Variants in CRTC3 observed in about 807,000 individuals in gnomAD.
CRTC3 encodes CREB regulated transcription coactivator 3, also known as CREB-regulated transcription coactivator 3.
CRTC3 carries 26 observed loss-of-function variants against 74.5 expected under a neutral mutation model. The ratio of observed to expected loss-of-function variants is 0.35; its 90% CI spans 0.26 to 0.48. The LOEUF is 0.48. Among genes scored for constraint, CRTC3 ranks in the 20% least tolerant of loss-of-function variants. The pLI, the probability that CRTC3 is intolerant of heterozygous loss-of-function variation, is 0.99. For missense variants in CRTC3, 760 were observed against 787.3 expected, an observed-to-expected ratio of 0.97 and a Z score of 0.41; for synonymous variants, 377 against 325.8, an observed-to-expected ratio of 1.16 and a Z score of -1.69.
intron 1 of CRTC3, chr15:90,539,760 T>C (rs1037202390): frequency 5.6e-6 from 2 of 355,536 alleles, no homozygotes; most frequent in Admixed American, 9.9e-5. Context: ...TGTTAAAGAT[T>C]ATGCCAGTGT....
chr15:90,617,176 C>G (rs1968515593), intron 7 of CRTC3, among the ~76,000 whole-genome samples: 2 of 152,212 alleles, frequency 1.3e-5, no homozygotes, highest in Admixed American at 1.3e-4. Flanking sequence ...AAGGGCTCCC[C>G]CCAGTGCCCA....
At chr15:90,536,726 A>G (rs1966726139) in intron 1 of CRTC3, among the ~76,000 whole-genome samples, 2 of 152,228 alleles carry the variant, frequency 1.3e-5, no homozygotes, top group African/African-American at 4.8e-5. Context: ...CTAACTCAGT[A>G]AGTGAGGCAG....
chr15:90,612,865 G>T (rs1968397053), intron 6 of CRTC3, among the ~76,000 whole-genome samples: 1 of 151,998 alleles, frequency 6.6e-6, no homozygotes, highest in African/African-American at 2.4e-5. Flanking sequence ...AAGTAAGAAT[G>T]GGCCAAGGAC....
intron 2 of CRTC3, among the ~76,000 whole-genome samples, chr15:90,591,133 T>TA (rs1555449613): frequency 3.1e-4 from 46 of 150,818 alleles, no homozygotes; most frequent in African/African-American, 8.8e-4. Context: ...TTTTTTTTTT[T>TA]AATTTTTTTT....
chr15:90,566,575 A>C (rs1967128077), intron 2 of CRTC3, among the ~76,000 whole-genome samples: 1 of 151,254 alleles, frequency 6.6e-6, no homozygotes. Flanking sequence ...AGGAAGAAGA[A>C]GCCAACTCCA....
chr15:90,562,134 C>T (rs1006685609), intron 2 of CRTC3, among the ~76,000 whole-genome samples: 1 of 152,210 alleles, frequency 6.6e-6, no homozygotes, highest in African/African-American at 2.4e-5. Flanking sequence ...TCTCCTGTAA[C>T]CTCTTTGGAG....
chr15:90,603,414 G>C (rs1025795294), intron 4 of CRTC3, among the ~76,000 whole-genome samples: 1 of 152,012 alleles, frequency 6.6e-6, no homozygotes, highest in East Asian at 1.9e-4. Context: ...CTGCACTCCA[G>C]CCTGGGTGAC....
rs547962135 is a variant in CRTC3 at position 90,531,298 on chromosome 15, T to C, written c.132+1095T>C. Among the ~76,000 whole-genome samples, 3 of 152,256 alleles carry C rather than the reference T, an allele frequency of 2.0e-5. No homozygotes were observed. The East Asian group carries it at 5.8e-4, about 29-fold the overall frequency. On this transcript the variant is annotated intron_variant, in intron 1 of 14. Transcript: ENST00000268184. ...AAATTGGGAGACCTGGTAACACTAA[T>C]TCTGAATTCCTACATGACAGCTACC...
intron 1 of CRTC3, among the ~76,000 whole-genome samples, chr15:90,534,516 A>G (rs1041179202): frequency 5.3e-5 from 8 of 152,140 alleles, no homozygotes; most frequent in African/African-American, 1.7e-4. Context: ...TAAGTTCTGT[A>G]TTTTGCCCTC....
intron 10 of CRTC3, among the ~76,000 whole-genome samples, chr15:90,628,132 G>A (rs1480435530): frequency 6.6e-6 from 1 of 151,340 alleles, no homozygotes; most frequent in Non-Finnish European, 1.5e-5. Flanking sequence ...CAGGAGAATG[G>A]CGTGAACCCG....
Position 90,629,246 on chromosome 15 carries a change from C to T in CRTC3, c.980C>T (p.Ser327Phe). 1 of 1,612,346 alleles carries T rather than the reference C, an allele frequency of 6.2e-7. No individual in the cohort carries two copies. Among genetic ancestry groups the T allele is most frequent in the Non-Finnish European group, 8.5e-7 (1 of 1,178,520 alleles). The change falls in exon 11 of 15, where the codon TCT (serine) becomes TTT (phenylalanine). Residue 327 changes from serine (S) to phenylalanine (F), a missense_variant. Physicochemically the swap from Ser to Phe is radical, Grantham distance 155. Around this residue, in one of 2 missense-constraint regions of CRTC3, gnomAD observed 652 missense variants for 635.2 expected, o/e 1.03. Coordinates refer to ENST00000268184, the MANE Select transcript of CRTC3 (RefSeq NM_022769.5). Reference sequence around the variant, plus strand: ...TGTTGTCTTCCAGGTCTCCAGAGTTCTCGGAGTAACCCCTCCATCCAAGCC... The same window carrying T: ...TGTTGTCTTCCAGGTCTCCAGAGTTTTCGGAGTAACCCCTCCATCCAAGCC... ...GIRSSSGLQS[S>F]RSNPSIQATL... is the part of the protein sequence containing the mutation.
chr15:90,588,348 G>A (rs1967717218), intron 2 of CRTC3, among the ~76,000 whole-genome samples: 1 of 151,796 alleles, frequency 6.6e-6, no homozygotes, highest in African/African-American at 2.4e-5. Context: ...CTTTGCTTTA[G>A]TAACAATCCA....
At chr15:90,639,581 TTGGG>T in intron 13 of CRTC3, among the ~76,000 whole-genome samples, 1 of 151,094 alleles carries the variant, frequency 6.6e-6, no homozygotes. Context: ...TCCTGAGTAA[TTGGG>T]GTTACAGGCA....
intron 9 of CRTC3, among the ~76,000 whole-genome samples, chr15:90,622,040 G>A (rs1287874116): frequency 1.1e-4 from 17 of 152,140 alleles, no homozygotes; most frequent in South Asian, 4.1e-4. Flanking sequence ...AGCCACCAGC[G>A]GGCGTTGAGG....
chr15:90,597,887 C>G (rs1967967187), intron 3 of CRTC3: 1 of 152,460 alleles, frequency 6.6e-6, no homozygotes, highest in Admixed American at 6.5e-5. Context: ...TCCTCCCTTA[C>G]AGTTTCACTT....
intron 4 of CRTC3, chr15:90,604,179 T>A (rs1596117465): frequency 1.9e-6 from 1 of 527,216 alleles, no homozygotes; most frequent in East Asian, 3.1e-5. Context: ...ATACTGGAAA[T>A]CAGAGATCAC....
At chr15:90,602,212 G>T in intron 3 of CRTC3, 112 bp from the exon 4 acceptor site, 1 of 679,504 alleles carries the variant, frequency 1.5e-6, no homozygotes, top group South Asian at 1.7e-5. Context: ...GAGCTGTCAG[G>T]TACAGGGATA....
chr15:90,571,161 A>G (rs752143284), intron 2 of CRTC3, among the ~76,000 whole-genome samples: 2 of 152,250 alleles, frequency 1.3e-5, no homozygotes, highest in Admixed American at 6.5e-5. Context: ...AGACAGGCAC[A>G]GTCACTGCTT....
intron 10 of CRTC3, among the ~76,000 whole-genome samples, chr15:90,626,979 C>T (rs903395541): frequency 1.3e-5 from 2 of 152,150 alleles, no homozygotes; most frequent in Non-Finnish European, 2.9e-5. Context: ...AGCCCCTGGC[C>T]GTAACAGTCC....
Sources: gnomAD v4.1 joint callset for allele counts (sites outside exome capture counted in the v4.1 genomes callset) on GRCh38, gnomAD v4.1.1 for gene constraint, gnomAD v4.1.1 regional missense constraint, MANE v1.5 for transcripts, NCBI Gene and HGNC (gene_info 2026-07-23, HGNC 2026-07-21) for gene names.